Variants in TMEM220 observed in about 807,000 individuals in gnomAD.
TMEM220 encodes the protein transmembrane protein 220.
In TMEM220, 21 loss-of-function variants were observed where a neutral mutation model predicts 21.7. The observed-to-expected ratio is 0.97, with a 90% confidence interval of 0.69 to 1.39. TMEM220 has a LOEUF of 1.39. Among genes scored for constraint, TMEM220 ranks in the 40% most tolerant of loss-of-function variants. The pLI, the probability that TMEM220 is intolerant of heterozygous loss-of-function variation, is 0.00. For synonymous variants in TMEM220, 80 were observed against 73.6 expected (o/e 1.09, Z -0.45); for missense variants, 191 against 201.9 (o/e 0.95, Z 0.33).
intron 3 of TMEM220, among the ~76,000 whole-genome samples, chr17:10,725,942 C>G (rs192542112): frequency 1.3e-4 from 20 of 152,280 alleles, no homozygotes; most frequent in African/African-American, 3.8e-4. Flanking sequence ...TCGAGCCCCA[C>G]TAGGAGAAAC....
chr17:10,717,326 T>C (rs1211440289), intron 5 of TMEM220, among the ~76,000 whole-genome samples: 1 of 151,756 alleles, frequency 6.6e-6, no homozygotes, highest in East Asian at 1.9e-4. Flanking sequence ...TGTAGATATC[T>C]TCTATCAGGT....
Position 10,723,346 on chromosome 17 carries a change from A to C in TMEM220, c.288-17T>G. On this transcript the variant is annotated splice_polypyrimidine_tract_variant and intron_variant, in intron 4 of 5. Coordinates refer to ENST00000341871, the MANE Select transcript of TMEM220 (RefSeq NM_001004313.3). ...GACAGCTCCCTATAAAAGGGTGTAC[A>C]TTTCAGATTTTGGAAGTGGCTACAA... The C allele has an allele frequency of 6.2e-7, 1 of 1,612,830 alleles. No individual in the cohort carries two copies. Among genetic ancestry groups the C allele is most frequent in the Non-Finnish European group, 8.5e-7 (1 of 1,178,868 alleles).
intron 5 of TMEM220, among the ~76,000 whole-genome samples, chr17:10,721,497 T>C (rs2074988228): frequency 6.6e-6 from 1 of 150,410 alleles, no homozygotes; most frequent in African/African-American, 2.5e-5. Flanking sequence ...CCCAACTACT[T>C]GGGAGGCTGA....
intron 2 of TMEM220, among the ~76,000 whole-genome samples, chr17:10,727,838 TG>T (rs2075065070): frequency 6.6e-6 from 1 of 152,144 alleles, no homozygotes; most frequent in African/African-American, 2.4e-5. Flanking sequence ...TGAGAGAAAC[TG>T]GGCAAAATTC....
At chr17:10,729,617 C>CG (rs985404665) in intron 1 of TMEM220, among the ~76,000 whole-genome samples, 163 bp downstream of exon 1, 1 of 152,152 alleles carries the variant, frequency 6.6e-6, no homozygotes, top group Non-Finnish European at 1.5e-5. Context: ...GTCTCTTAGA[C>CG]GGGGGAGAAA....
rs76495772 is a variant in TMEM220 at position 10,721,106 on chromosome 17, T to G, written c.347+2164A>C. Among the ~76,000 whole-genome samples, 141 of 152,330 alleles carry G rather than the reference T, an allele frequency of 9.3e-4. 1 individual carries two copies. The East Asian group carries it at 0.022, about 24-fold the overall frequency. On this transcript the variant is annotated intron_variant, in intron 5 of 5. Coordinates refer to ENST00000341871, the MANE Select transcript of TMEM220 (RefSeq NM_001004313.3). ...TCACGAACATTGCAAACACTGTTGA[T>G]TCCAGGTCTGTGGCCTAAAACATGA...
intron 5 of TMEM220, among the ~76,000 whole-genome samples, chr17:10,722,944 C>G (rs1236710750): frequency 6.6e-6 from 1 of 151,358 alleles, no homozygotes; most frequent in Non-Finnish European, 1.5e-5. Context: ...GCAGTATTTT[C>G]ACTTACTACC....
At chr17:10,725,394 G>A (rs2075038834) in intron 3 of TMEM220, among the ~76,000 whole-genome samples, 1 of 152,140 alleles carries the variant, frequency 6.6e-6, no homozygotes, top group Non-Finnish European at 1.5e-5. Context: ...GATCCACCAT[G>A]TCCACACTCA....
chr17:10,721,408 A>G (rs2074986588), intron 5 of TMEM220, among the ~76,000 whole-genome samples: 1 of 152,144 alleles, frequency 6.6e-6, no homozygotes, highest in Non-Finnish European at 1.5e-5. Flanking sequence ...CAGGAGTTTG[A>G]GACCATCCTG....
chr17:10,729,293 G>A (rs1891350181), intron 1 of TMEM220, among the ~76,000 whole-genome samples: 1 of 152,152 alleles, frequency 6.6e-6, no homozygotes, highest in Admixed American at 6.5e-5. Flanking sequence ...GCCTTCACGG[G>A]AGCTCTGGAG....
intron 5 of TMEM220, chr17:10,716,585 G>C (rs1227526094): frequency 2.0e-6 from 1 of 489,188 alleles, no homozygotes; most frequent in Non-Finnish European, 4.0e-6. Context: ...CCAACACTCT[G>C]TTTTGCTTTT....
chr17:10,724,953 G>A (rs1410571564), intron 4 of TMEM220, 58 bp downstream of exon 4: 14 of 1,607,950 alleles, frequency 8.7e-6, no homozygotes, highest in African/African-American at 2.7e-5. Context: ...TTGCAAACAC[G>A]ATTCCTTAGT....
rs1275691601 is a variant in TMEM220, at chr17:10,713,996, G to A, written c.*1457C>T. The A allele has an allele frequency of 6.6e-6, 1 of 152,096 alleles. No homozygotes were observed. Among genetic ancestry groups the A allele is most frequent in the Non-Finnish European group, 1.5e-5 (1 of 68,014 alleles). 9.4% of individuals were successfully genotyped at this position (152,096 alleles called of 1,614,324 possible). A position where few individuals can be genotyped will look rare whatever the true frequency, so the allele number is the denominator to read the frequency against. ...TATCTGACCACAGAGTTTGATGCTT[G>A]TGTATGTAAAATGTTGCCATCTAGA... On this transcript the variant is annotated 3_prime_UTR_variant, in exon 6 of 6. Transcript: ENST00000341871.
intron 5 of TMEM220, among the ~76,000 whole-genome samples, chr17:10,716,886 T>C (rs938616580): frequency 3.9e-5 from 6 of 152,238 alleles, no homozygotes; most frequent in African/African-American, 9.6e-5. Flanking sequence ...TAATGTGTTA[T>C]AGTTTTATGT....
chr17:10,729,586 C>A (rs1355917006), intron 1 of TMEM220, among the ~76,000 whole-genome samples, 194 bp downstream of exon 1: 1 of 152,174 alleles, frequency 6.6e-6, no homozygotes, highest in East Asian at 1.9e-4. Flanking sequence ...GTATGGGACT[C>A]GCTTCCATGA....
chr17:10,727,559 G>T (rs2075062138), intron 2 of TMEM220, among the ~76,000 whole-genome samples: 1 of 152,208 alleles, frequency 6.6e-6, no homozygotes, highest in South Asian at 2.1e-4. Context: ...TAAGCTGGAT[G>T]TCTGAGACTT....
Position 10,715,508 on chromosome 17 carries a change from T to G in TMEM220, c.428A>C (p.Tyr143Ser). 1.2e-6 allele frequency: 2 copies of G among 1,605,258 alleles called. No individual in the cohort carries two copies. Among genetic ancestry groups the G allele is most frequent in the Non-Finnish European group, 1.7e-6 (2 of 1,178,214 alleles). The change falls in exon 6 of 6, where the codon TAT becomes TCT. Residue 143 changes from tyrosine (Y) to serine (S), a missense_variant. Physicochemically the swap from Tyr to Ser is moderately radical, Grantham distance 144. Coordinates refer to ENST00000341871, the MANE Select transcript of TMEM220 (RefSeq NM_001004313.3). ...LFPFISWVYI[Y>S]INKEMRSSWP... is the part of the protein sequence containing the mutation. The stretch of plus-strand genomic sequence containing the variant: ...AGAGGACCGCATTTCCTTGTTAATA[T>G]ATATGTAGACCCATGAGATAAATGG...
intron 2 of TMEM220, among the ~76,000 whole-genome samples, chr17:10,726,583 G>A (rs989591480): frequency 6.6e-6 from 1 of 152,172 alleles, no homozygotes; most frequent in African/African-American, 2.4e-5. Context: ...CAACTTTCAT[G>A]CCCAAATGGC....
chr17:10,721,509 G>A (rs550760143), intron 5 of TMEM220, among the ~76,000 whole-genome samples: 90 of 151,042 alleles, frequency 6.0e-4, no homozygotes, highest in South Asian at 4.4e-3. Context: ...GGAGGCTGAC[G>A]CAGGAGAATT....
Sources: gnomAD v4.1 joint callset for allele counts (sites outside exome capture counted in the v4.1 genomes callset) on GRCh38, gnomAD v4.1.1 for gene constraint, MANE v1.5 for transcripts, NCBI Gene and HGNC (gene_info 2026-07-23, HGNC 2026-07-21) for gene names.